The following PLCB2 variants were observed in gnomAD, a reference collection of about 807,000 sequenced individuals.
PLCB2 encodes phospholipase C beta 2.
PLCB2 carries 115 observed loss-of-function variants against 141.7 expected under a neutral mutation model. The observed-to-expected ratio is 0.81, with a 90% CI of 0.70 to 0.95. The LOEUF (loss-of-function observed/expected upper bound fraction) is 0.95. Ranked by LOEUF, PLCB2 falls within the 40% of genes least tolerant of loss-of-function variation. The pLI is 0.00. For missense variants in PLCB2, 1,403 were observed against 1,541.1 expected, an observed-to-expected ratio of 0.91 and a Z score of 1.50; for synonymous variants, 603 against 595.6, an observed-to-expected ratio of 1.01 and a Z score of -0.18.
chr15:40,286,132 A>C, downstream of PLCB2: 1 of 729,240 alleles, frequency 1.4e-6, no homozygotes, highest in Non-Finnish European at 1.7e-6. Flanking sequence ...TGCAGAGCAC[A>C]GAGGCACCAA....
rs146251314 is a variant in PLCB2 at position 40,288,991 on chromosome 15, G to A, written c.3355-73C>T. On this transcript the variant is annotated intron_variant, in intron 31 of 31. Transcript: ENST00000260402. The stretch of plus-strand genomic sequence containing the variant: ...GCCACCCTCGCTCCCTGGACAGTGG[G>A]AACAGGAGATGCCCAATATCCATGT... 3.8e-3 allele frequency: 5,989 copies of A among 1,561,674 alleles called. 36 individuals are homozygous for A. The highest frequency in any genetic ancestry group is 0.027 in the Middle Eastern group (114 of 4,246).
chr15:40,293,613 T>C lies in PLCB2; in HGVS notation c.2173A>G (p.Ser725Gly). Reference sequence around the variant, plus strand: ...CAGACAGGATTGATGGAGTTAGTACTGGGTGACAGCTTAGTTCGATAGCGC... The same window carrying C: ...CAGACAGGATTGATGGAGTTAGTACCGGGTGACAGCTTAGTTCGATAGCGC... ...KRRYRTKLSPSTNSINPVWKE... is the reference protein window; with the variant it reads ...KRRYRTKLSPGTNSINPVWKE... The change falls in exon 20 of 32, where the codon AGT becomes GGT. Residue 725 changes from serine to glycine, a missense_variant. Ser to Gly is a moderately conservative substitution (Grantham distance 56). Transcript: ENST00000260402. 4 of 1,614,134 alleles carry C rather than the reference T, an allele frequency of 2.5e-6. No homozygotes were observed. Among genetic ancestry groups the C allele is most frequent in the Non-Finnish European group, 3.4e-6 (4 of 1,180,004 alleles).
intron 25 of PLCB2, 49 bp downstream of exon 25, chr15:40,291,557 G>A (rs762126354): frequency 2.7e-5 from 43 of 1,610,502 alleles, no homozygotes; most frequent in Non-Finnish European, 3.4e-5. Context: ...AGGAGCCCCG[G>A]ACCCGCCCCA....
intron 3 of PLCB2, 74 bp downstream of exon 3, chr15:40,303,214 C>G (rs1595681473): frequency 7.1e-6 from 8 of 1,129,536 alleles, no homozygotes; most frequent in Admixed American, 1.7e-5. Context: ...TTCCCACCCG[C>G]ACAGGGACCC....
chr15:40,294,461 G>A, intron 18 of PLCB2, 41 bp from the exon 19 acceptor site: 2 of 1,604,404 alleles, frequency 1.2e-6, no homozygotes, highest in Non-Finnish European at 8.5e-7. Flanking sequence ...GCCCAGCCCT[G>A]GGGCTGTGCC....
intron 10 of PLCB2, 37 bp downstream of exon 10, chr15:40,298,525 G>C: frequency 1.2e-6 from 2 of 1,613,230 alleles, no homozygotes. Flanking sequence ...GAACCCCTGT[G>C]AAAGCAGAGG....
intron 16 of PLCB2, among the ~76,000 whole-genome samples, chr15:40,295,691 G>A (rs1439051947): frequency 6.6e-6 from 1 of 152,180 alleles, no homozygotes; most frequent in Non-Finnish European, 1.5e-5. Flanking sequence ...CTGGGGAGAG[G>A]GGCACATTAA....
At chr15:40,302,952 C>T (rs935254632) in intron 3 of PLCB2, among the ~76,000 whole-genome samples, 2 of 152,214 alleles carry the variant, frequency 1.3e-5, no homozygotes, top group African/African-American at 4.8e-5. Context: ...AATTTTCCTA[C>T]CAGCATTAGG....
At chr15:40,306,023 C>T (rs2040777057) in intron 1 of PLCB2, among the ~76,000 whole-genome samples, 1 of 152,212 alleles carries the variant, frequency 6.6e-6, no homozygotes, top group African/African-American at 2.4e-5. Context: ...GACCACTGGA[C>T]TGTGTTACCT....
chr15:40,285,968 G>A (rs2141010248), downstream of PLCB2: 2 of 985,496 alleles, frequency 2.0e-6, no homozygotes, highest in African/African-American at 3.5e-5. Flanking sequence ...GCTGTGCTGG[G>A]TACCCTTTGG....
rs2039974354 is a variant in PLCB2, at chr15:40,292,172, C to T, written c.2432-14G>A. The T allele has an allele frequency of 6.2e-7, 1 of 1,607,776 alleles. No individual in the cohort carries two copies. Among genetic ancestry groups the T allele is most frequent in the African/African-American group, 1.3e-5 (1 of 74,764 alleles). On this transcript the variant is annotated splice_polypyrimidine_tract_variant and intron_variant, in intron 22 of 31. Transcript: ENST00000260402. ...CCACAGTGAGATCTGGGTGGGTGCACAGGACATTACAACATAGTGTATATG... is the reference window on the plus strand; with the variant it reads ...CCACAGTGAGATCTGGGTGGGTGCATAGGACATTACAACATAGTGTATATG...
chr15:40,304,353 C>A (rs975034064), intron 1 of PLCB2, among the ~76,000 whole-genome samples: 1 of 152,146 alleles, frequency 6.6e-6, no homozygotes, highest in Non-Finnish European at 1.5e-5. Context: ...TCTCATAGAG[C>A]GAGACTCCCT....
At chr15:40,296,195 C>T in intron 16 of PLCB2, 101 bp downstream of exon 16, 3 of 893,784 alleles carry the variant, frequency 3.4e-6, no homozygotes. Context: ...AGCCCTTTGC[C>T]TGACTCCGTG....
In PLCB2 at chr15:40,289,298, C is replaced by T. The variant is rs200787930; in HGVS notation, c.3328G>A (p.Glu1110Lys). 5.0e-4 allele frequency: 810 copies of T among 1,614,074 alleles called. No individual in the cohort carries two copies. Among genetic ancestry groups the T allele is most frequent in the Non-Finnish European group, 6.6e-4 (779 of 1,179,948 alleles). ...KLEEKQAACL[E>K]QIREMEKQFQ... ...TGCTTTTCCATCTCCCGTATCTGTTCCAGGCAAGCCGCCTGCTTCTCCTCC... is the reference window on the plus strand; with the variant it reads ...TGCTTTTCCATCTCCCGTATCTGTTTCAGGCAAGCCGCCTGCTTCTCCTCC... Residue 1110 changes from glutamate (E) to lysine (K), a missense_variant, in exon 31 of 32, where the codon GAA (glutamate) becomes AAA (lysine). By Grantham distance (56) the Glu-to-Lys change is moderately conservative. Coordinates refer to ENST00000260402, the MANE Select transcript of PLCB2 (RefSeq NM_004573.3).
rs774946034 is a variant in PLCB2, at chr15:40,294,358, TGAG to T, written c.1966_1968del (p.Leu656del). 6.2e-7 allele frequency: 1 copy of T among 1,614,056 alleles called. No homozygotes were observed. Among genetic ancestry groups the T allele is most frequent in the Non-Finnish European group, 8.5e-7 (1 of 1,179,974 alleles). ...TCCGGCCGGCGCATGAACTCATGCT[TGAG>T]GAGGTAGCCGCTCTGCCCGTTGAAC... is the stretch of plus-strand genomic sequence containing the variant. On this transcript the variant is annotated inframe_deletion, in exon 19 of 32. Transcript: ENST00000260402.
intron 1 of PLCB2, among the ~76,000 whole-genome samples, chr15:40,306,366 C>A (rs553314167): frequency 6.6e-6 from 1 of 152,292 alleles, no homozygotes; most frequent in Non-Finnish European, 1.5e-5. Context: ...TACACAGGTG[C>A]CAGCTTAGGA....
In PLCB2 at chr15:40,296,576, C is replaced by G. The variant is rs1016476036; in HGVS notation, c.1545G>C (p.Glu515Asp). The G allele has an allele frequency of 6.2e-7, 1 of 1,613,400 alleles. No individual in the cohort carries two copies. Among genetic ancestry groups the G allele is most frequent in the South Asian group, 1.1e-5 (1 of 90,986 alleles). ...CTTCATCCAGGTTTCCTGACTCCTC[C>G]TCCTCTTCCTCTTCCACCTCCTCCT... ...LEEEEVEEEEEEESGNLDEEE... is the reference protein window; with the variant it reads ...LEEEEVEEEEDEESGNLDEEE... The change falls in exon 15 of 32, where the codon GAG becomes GAC. Residue 515 changes from glutamate to aspartate, a missense_variant. Physicochemically the swap from Glu to Asp is conservative, Grantham distance 45. This residue lies in a region of PLCB2 where 975 missense variants were observed against 1,141.1 expected (regional missense o/e 0.85). Coordinates refer to ENST00000260402, the MANE Select transcript of PLCB2 (RefSeq NM_004573.3).
downstream of PLCB2, chr15:40,284,591 C>T (rs987723769): frequency 4.4e-6 from 2 of 453,822 alleles, no homozygotes; most frequent in Admixed American, 4.7e-5. Flanking sequence ...CCTGTAATCC[C>T]AGCACTTTGG....
chr15:40,285,922 A>AATCCAGG, downstream of PLCB2: 2 of 985,438 alleles, frequency 2.0e-6, no homozygotes, highest in Non-Finnish European at 2.4e-6. Context: ...TGGTGGATTG[A>AATCCAGG]GACAGTTCCA....
Sources: gnomAD v4.1 joint callset for allele counts (sites outside exome capture counted in the v4.1 genomes callset) on GRCh38, gnomAD v4.1.1 for gene constraint, gnomAD v4.1.1 regional missense constraint, MANE v1.5 for transcripts, NCBI Gene and HGNC (gene_info 2026-07-23, HGNC 2026-07-21) for gene names.